Variants in RANBP2 observed in about 807,000 individuals in gnomAD.
RANBP2 encodes RAN binding protein 2.
In RANBP2, 57 loss-of-function variants were observed where a neutral mutation model predicts 303.6. The observed-to-expected ratio is 0.19, with a 90% CI of 0.15 to 0.23. The LOEUF (loss-of-function observed/expected upper bound fraction) is 0.23, where lower values mean the gene tolerates loss of function less well. Among genes scored for constraint, RANBP2 ranks in the 10% least tolerant of loss-of-function variants. The pLI, the probability that RANBP2 is intolerant of heterozygous loss-of-function variation, is 1.00. For missense variants in RANBP2, 3,138 were observed against 3,780.8 expected, an observed-to-expected ratio of 0.83 and a Z score of 4.46; for synonymous variants, 1,167 against 1,301.5, an observed-to-expected ratio of 0.90 and a Z score of 2.23.
At chr2:109,598,043 T>G in the RANBP2 span, among the ~76,000 whole-genome samples, 2 of 152,130 alleles carry the variant, frequency 1.3e-5, 1 homozygote, top group African/African-American at 4.8e-5. Flanking sequence ...GAATCCTGAC[T>G]TAGCTTTATG....
At chr2:109,405,408 C>T in the RANBP2 span, among the ~76,000 whole-genome samples, 1 of 152,164 alleles carries the variant, frequency 6.6e-6, no homozygotes, top group African/African-American at 2.4e-5. Flanking sequence ...TTGGAAGGTT[C>T]TGGGGAGCCT....
the RANBP2 span, among the ~76,000 whole-genome samples, chr2:109,623,448 G>T: frequency 1.3e-5 from 2 of 152,148 alleles, no homozygotes; most frequent in African/African-American, 4.8e-5. Flanking sequence ...AGAATGAACA[G>T]CTCTTCTTGC....
At chr2:108,794,494 CA>C in the RANBP2 span, 1 of 1,513,196 alleles carries the variant, frequency 6.6e-7, no homozygotes, top group Non-Finnish European at 9.0e-7. Context: ...ATATTTGAAA[CA>C]ATAAGTTAAT....
chr2:109,011,080 T>C, the RANBP2 span, among the ~76,000 whole-genome samples: 1 of 152,250 alleles, frequency 6.6e-6, no homozygotes. Context: ...AGTCATACTC[T>C]GTACCCAGTG....
chr2:108,820,003 A>G, the RANBP2 span, among the ~76,000 whole-genome samples: 1 of 152,244 alleles, frequency 6.6e-6, no homozygotes, highest in Admixed American at 6.5e-5. Context: ...AAATTATAAG[A>G]AAGAACCAAA....
At chr2:109,714,061 C>G in the RANBP2 span, among the ~76,000 whole-genome samples, 1 of 152,210 alleles carries the variant, frequency 6.6e-6, no homozygotes, top group Non-Finnish European at 1.5e-5. Flanking sequence ...GTAGATTACC[C>G]ACAACTACAT....
At chr2:108,911,742 G>T in the RANBP2 span, among the ~76,000 whole-genome samples, 1 of 152,086 alleles carries the variant, frequency 6.6e-6, no homozygotes, top group Non-Finnish European at 1.5e-5. Context: ...CTTGAACTAA[G>T]ATCCAGATTT....
chr2:108,834,461 C>T, the RANBP2 span, among the ~76,000 whole-genome samples: 730 of 150,220 alleles, frequency 4.9e-3, 7 homozygotes, highest in South Asian at 0.023. Flanking sequence ...GTGATCCACA[C>T]GCCTTGGCCT....
At chr2:109,568,048 CA>C in the RANBP2 span, 1 of 1,170,516 alleles carries the variant, frequency 8.5e-7, no homozygotes, top group Non-Finnish European at 1.2e-6. Flanking sequence ...TTTTTTCACT[CA>C]AAACTGTTCA....
the RANBP2 span, among the ~76,000 whole-genome samples, chr2:108,806,243 AT>A: frequency 1.3e-5 from 2 of 152,160 alleles, no homozygotes; most frequent in African/African-American, 2.4e-5. Context: ...GCTCTTTCTC[AT>A]TACAGTCTCA....
the RANBP2 span, among the ~76,000 whole-genome samples, chr2:108,910,241 G>C: frequency 6.6e-6 from 1 of 152,212 alleles, no homozygotes; most frequent in Non-Finnish European, 1.5e-5. Context: ...GCAGGGACAG[G>C]GGCCTGACCC....
the RANBP2 span, among the ~76,000 whole-genome samples, chr2:108,921,088 C>T: frequency 6.6e-6 from 1 of 152,196 alleles, no homozygotes. Flanking sequence ...CAGGGTGCTC[C>T]CCTGCGAATC....
At chr2:109,226,162 C>G in the RANBP2 span, among the ~76,000 whole-genome samples, 1 of 152,218 alleles carries the variant, frequency 6.6e-6, no homozygotes, top group Non-Finnish European at 1.5e-5. Flanking sequence ...CAGTTATTAT[C>G]TGTTTCCCAG....
chr2:109,349,789 G>A, the RANBP2 span, among the ~76,000 whole-genome samples: 1,721 of 152,348 alleles, frequency 0.011, 33 homozygotes, highest in African/African-American at 0.039. Context: ...AGAAGTGACT[G>A]CCTGCCTTTC....
chr2:108,990,460 A>AAG, the RANBP2 span, among the ~76,000 whole-genome samples: 3 of 147,430 alleles, frequency 2.0e-5, no homozygotes, highest in East Asian at 6.0e-4. Context: ...AAAAAAAAAT[A>AAG]TACAAAAATT....
At chr2:109,461,440 C>T in the RANBP2 span, among the ~76,000 whole-genome samples, 1 of 138,736 alleles carries the variant, frequency 7.2e-6, no homozygotes, top group African/African-American at 2.7e-5. Flanking sequence ...GTCCTAAAGA[C>T]CTGCGCGGTG....
chr2:109,523,106 C>T, the RANBP2 span, among the ~76,000 whole-genome samples: 2 of 152,156 alleles, frequency 1.3e-5, no homozygotes, highest in Admixed American at 1.3e-4. Context: ...GGAGAGGTTG[C>T]CTGGGGGTAG....
the RANBP2 span, among the ~76,000 whole-genome samples, chr2:109,646,006 C>A: frequency 6.6e-6 from 1 of 152,176 alleles, no homozygotes; most frequent in Non-Finnish European, 1.5e-5. Context: ...GAGCTAAAGT[C>A]AAAGGAAACG....
At chr2:109,276,194 C>T in the RANBP2 span, among the ~76,000 whole-genome samples, 1 of 152,202 alleles carries the variant, frequency 6.6e-6, no homozygotes, top group Non-Finnish European at 1.5e-5. Context: ...AAAACACCAG[C>T]GTTCTCCCAC....
Sources: allele counts gnomAD v4.1 joint callset (sites outside exome capture counted in the v4.1 genomes callset), GRCh38; gene constraint gnomAD v4.1.1; transcripts MANE v1.5; gene names NCBI Gene and HGNC (gene_info 2026-07-23, HGNC 2026-07-21).